Variants in TRPM8 observed in about 807,000 individuals in gnomAD.
The protein encoded by TRPM8 is TRPM8 cationic channel.
A neutral mutation model predicts 133.7 loss-of-function variants in TRPM8; 110 were observed. That is an observed-to-expected ratio of 0.82 (90% CI 0.70 to 0.96). The LOEUF (loss-of-function observed/expected upper bound fraction) is 0.96, where lower values mean the gene tolerates loss of function less well. Ranked by LOEUF, TRPM8 falls within the 40% of genes least tolerant of loss-of-function variation. TRPM8 has a pLI of 0.00. For missense variants in TRPM8, 1,291 were observed against 1,379.5 expected (o/e 0.94, Z 1.02); for synonymous variants, 535 against 532.3 (o/e 1.01, Z -0.07).
chr2:233,937,603 C>T, intron 4 of TRPM8, 94 bp downstream of exon 4: 7 of 1,401,026 alleles, frequency 5.0e-6, no homozygotes, highest in Non-Finnish European at 6.8e-6. Context: ...AGGATGGAGG[C>T]AGGAGAGATG....
At chr2:234,007,869 T>G (rs1692732615) in intron 23 of TRPM8, among the ~76,000 whole-genome samples, 1 of 152,202 alleles carries the variant, frequency 6.6e-6, no homozygotes, top group African/African-American at 2.4e-5. Flanking sequence ...CACTTCTAAT[T>G]GTGATGAGAT....
chr2:233,952,811 A>C (rs1691200774), intron 9 of TRPM8, among the ~76,000 whole-genome samples: 2 of 151,958 alleles, frequency 1.3e-5, no homozygotes, highest in African/African-American at 4.8e-5. Flanking sequence ...TTTACTTGCT[A>C]TCCATATTCA....
At chr2:233,947,340 G>A (rs1178074664) in intron 8 of TRPM8, 185 bp downstream of exon 8, 5 of 1,541,110 alleles carry the variant, frequency 3.2e-6, no homozygotes, top group Admixed American at 2.0e-5. Flanking sequence ...GAAGATTTGG[G>A]AGGAGAATTT....
chr2:233,952,013 A>AAAAGCCGTCATG (rs1256504830), intron 9 of TRPM8, among the ~76,000 whole-genome samples: 1 of 152,070 alleles, frequency 6.6e-6, no homozygotes, highest in Non-Finnish European at 1.5e-5. Context: ...TTCCTCTCCT[A>AAAAGCCGTCATG]AAAGCCGTCA....
At chr2:233,984,643 G>A (rs1004529096) in intron 20 of TRPM8, among the ~76,000 whole-genome samples, 3 of 152,140 alleles carry the variant, frequency 2.0e-5, no homozygotes, top group Admixed American at 1.3e-4. Context: ...GCCTGCCTGA[G>A]TCTTAGGCAC....
At chr2:233,957,324 C>A (rs1177139160) in intron 11 of TRPM8, among the ~76,000 whole-genome samples, 2 of 139,314 alleles carry the variant, frequency 1.4e-5, no homozygotes, top group Non-Finnish European at 3.0e-5. Flanking sequence ...CACCTCTGCC[C>A]CCCCCAAAAA....
intron 2 of TRPM8, among the ~76,000 whole-genome samples, chr2:233,927,939 TC>T: frequency 2.8e-5 from 2 of 71,146 alleles, no homozygotes; most frequent in African/African-American, 1.0e-4. Context: ...TCTCTCTCTC[TC>T]TCTCTCTCTC....
intron 22 of TRPM8, among the ~76,000 whole-genome samples, chr2:233,996,781 A>G (rs1358705833): frequency 6.6e-6 from 1 of 152,216 alleles, no homozygotes; most frequent in Non-Finnish European, 1.5e-5. Context: ...TAATGTAAAT[A>G]GTATGTTGAA....
At chr2:233,939,197 G>T (rs1477982283) in intron 5 of TRPM8, 22 bp downstream of exon 5, 2 of 1,610,806 alleles carry the variant, frequency 1.2e-6, no homozygotes, top group Admixed American at 3.3e-5. Context: ...AGCAGCGACC[G>T]CGGGTTCTTC....
At chr2:233,940,913 G>C in intron 5 of TRPM8, among the ~76,000 whole-genome samples, 1 of 152,228 alleles carries the variant, frequency 6.6e-6, no homozygotes, top group East Asian at 1.9e-4. Flanking sequence ...GAAGGAATGA[G>C]GTAATTGGTG....
chr2:233,928,315 G>A (rs1054838754), intron 2 of TRPM8, among the ~76,000 whole-genome samples: 1 of 152,086 alleles, frequency 6.6e-6, no homozygotes, highest in African/African-American at 2.4e-5. Context: ...CCTGCTGGAT[G>A]GGTCTCCTCT....
chr2:233,920,911 C>T (rs191482989), intron 1 of TRPM8, among the ~76,000 whole-genome samples: 104 of 146,958 alleles, frequency 7.1e-4, no homozygotes, highest in South Asian at 5.6e-3. Context: ...GGCTGGAGTG[C>T]AATGGTGTGA....
At chr2:233,942,543 A>G in intron 5 of TRPM8, 33 bp from the exon 6 acceptor site, 1 of 1,613,384 alleles carries the variant, frequency 6.2e-7, no homozygotes, top group Non-Finnish European at 8.5e-7. Flanking sequence ...GCCCAGTGCC[A>G]CTTGACCATT....
chr2:233,991,054 G>C (rs1011832434), intron 21 of TRPM8, among the ~76,000 whole-genome samples: 2 of 152,120 alleles, frequency 1.3e-5, no homozygotes, highest in Non-Finnish European at 1.5e-5. Flanking sequence ...TTGCTTGAAA[G>C]ATCATGTACC....
intron 20 of TRPM8, 104 bp from the exon 21 acceptor site, chr2:233,985,583 TA>T: frequency 8.8e-7 from 1 of 1,138,156 alleles, no homozygotes; most frequent in Non-Finnish European, 1.3e-6. Context: ...GACGAAGGCC[TA>T]AGACATTTCA....
chr2:233,983,571 A>G (rs1046006716), intron 20 of TRPM8, among the ~76,000 whole-genome samples: 6 of 152,180 alleles, frequency 3.9e-5, no homozygotes, highest in African/African-American at 1.2e-4. Flanking sequence ...CTGGGCTCCC[A>G]TTTCTTTCAA....
At chr2:233,945,212 T>A (rs141058212) in intron 6 of TRPM8, among the ~76,000 whole-genome samples, 15 of 152,324 alleles carry the variant, frequency 9.8e-5, no homozygotes, top group African/African-American at 3.6e-4. Flanking sequence ...CTAAATGCCT[T>A]TGAATGGAGC....
chr2:233,962,746 A>C (rs1265817831), intron 12 of TRPM8, among the ~76,000 whole-genome samples: 1 of 152,230 alleles, frequency 6.6e-6, no homozygotes, highest in Non-Finnish European at 1.5e-5. Context: ...GAAAAGGAAT[A>C]TATTATATAT....
chr2:233,935,644 C>T (rs1690713472), intron 3 of TRPM8, among the ~76,000 whole-genome samples: 1 of 152,230 alleles, frequency 6.6e-6, no homozygotes, highest in South Asian at 2.1e-4. Context: ...TTGCTATTCT[C>T]TAGCCTTCTC....
Sources: gnomAD v4.1 joint callset for allele counts (sites outside exome capture counted in the v4.1 genomes callset) on GRCh38, gnomAD v4.1.1 for gene constraint, MANE v1.5 for transcripts, NCBI Gene and HGNC (gene_info 2026-07-23, HGNC 2026-07-21) for gene names.